APP: variants seen among roughly 807,000 people sequenced by gnomAD.
The protein encoded by APP is amyloid-beta precursor protein.
A neutral mutation model predicts 101.4 loss-of-function variants in APP; 31 were observed. The ratio of observed to expected loss-of-function variants is 0.31; its 90% confidence interval spans 0.23 to 0.41. The LOEUF is 0.41. APP is among the 10% of genes least tolerant of loss of function. APP has a pLI of 1.00. For synonymous variants in APP, 366 were observed against 364.4 expected, an observed-to-expected ratio of 1.00 and a Z score of -0.05; for missense variants, 839 against 1,003.7, an observed-to-expected ratio of 0.84 and a Z score of 2.22.
chr21:25,937,854 C>A (rs1437008740), intron 13 of APP: 2 of 152,316 alleles, frequency 1.3e-5, no homozygotes. Context: ...ACTGCAACCT[C>A]CAACTCCTGG....
At chr21:25,903,514 G>A (rs780616940) in intron 15 of APP, among the ~76,000 whole-genome samples, 2 of 151,954 alleles carry the variant, frequency 1.3e-5, no homozygotes, top group Non-Finnish European at 2.9e-5. Flanking sequence ...TGAATGAGTC[G>A]AATGAGCGCT....
At chr21:26,030,307 G>A (rs1295520159) in intron 5 of APP, among the ~76,000 whole-genome samples, 1 of 152,190 alleles carries the variant, frequency 6.6e-6, no homozygotes. Flanking sequence ...TGCATAACCT[G>A]TGAAGGACCT....
intron 13 of APP, among the ~76,000 whole-genome samples, chr21:25,946,242 T>A (rs1169256200): frequency 2.0e-5 from 3 of 152,162 alleles, no homozygotes; most frequent in African/African-American, 7.2e-5. Context: ...AAATTGAAAA[T>A]TTTTGTGTGT....
At chr21:26,051,300 A>G (rs1367876888) in intron 4 of APP, 107 bp from the exon 5 acceptor site, 6 of 1,161,898 alleles carry the variant, frequency 5.2e-6, no homozygotes, top group East Asian at 2.6e-5. Context: ...TTAGGAACCA[A>G]TTTCACAAAG....
chr21:26,090,254 ACTGGTTGAGCAT>A lies in APP; in HGVS notation c.226-194_226-183del, dbSNP rs1266938025. Among the ~76,000 whole-genome samples the A allele has an allele frequency of 2.6e-5, 4 of 152,160 alleles. No homozygotes were observed. In the South Asian group the frequency reaches 6.2e-4, roughly 24 times the overall value. ...TTTAGAACATCTGCATTATATACTT[ACTGGTTGAGCAT>A]CTGGAATCCGGAAAGTCCAAAATCC... On this transcript the variant is annotated intron_variant, in intron 2 of 17. Coordinates refer to ENST00000346798, the MANE Select transcript of APP (RefSeq NM_000484.4).
intron 2 of APP, among the ~76,000 whole-genome samples, chr21:26,106,325 A>G (rs1295274130): frequency 6.6e-6 from 1 of 152,178 alleles, no homozygotes; most frequent in African/African-American, 2.4e-5. Context: ...AGCATCCCCC[A>G]CACTACGATC....
At chr21:25,909,343 GT>G (rs2038950298) in intron 14 of APP, among the ~76,000 whole-genome samples, 1 of 151,124 alleles carries the variant, frequency 6.6e-6, no homozygotes, top group African/African-American at 2.4e-5. Flanking sequence ...ATATGTCAAT[GT>G]TGGGACTGAT....
intron 17 of APP, among the ~76,000 whole-genome samples, chr21:25,889,109 C>A (rs974601696): frequency 6.6e-6 from 1 of 152,170 alleles, no homozygotes; most frequent in Non-Finnish European, 1.5e-5. Flanking sequence ...CGGGCTAAAA[C>A]GTGTCCCCCT....
chr21:26,133,274 T>G (rs1421527490), intron 1 of APP, among the ~76,000 whole-genome samples: 1 of 152,146 alleles, frequency 6.6e-6, no homozygotes, highest in Non-Finnish European at 1.5e-5. Flanking sequence ...AGTTCCTGAG[T>G]AATCGGCAGC....
chr21:25,882,421 T>A (rs918859726), intron 17 of APP, among the ~76,000 whole-genome samples: 3 of 149,762 alleles, frequency 2.0e-5, no homozygotes, highest in Non-Finnish European at 3.0e-5. Context: ...TGTAATTTTT[T>A]AAAAACTGAG....
At chr21:26,067,785 TG>T (rs2046514853) in intron 3 of APP, among the ~76,000 whole-genome samples, 1 of 152,194 alleles carries the variant, frequency 6.6e-6, no homozygotes, top group African/African-American at 2.4e-5. Flanking sequence ...TTCAGTCCTC[TG>T]TATCCCGAGA....
In APP at chr21:26,160,483, C is replaced by T. The variant is rs796648432; in HGVS notation, c.57+10081G>A. The stretch of plus-strand genomic sequence containing the variant: ...AAGATACAAGGCTAATCATAATGAC[C>T]TCAATTAGATTTTCAATTCCTGTCA... On this transcript the variant is annotated intron_variant, in intron 1 of 17. Transcript: ENST00000346798. 5.3e-4 allele frequency among the ~76,000 whole-genome samples: 80 copies of T among 152,186 alleles called. 2 individuals carry two copies. Among genetic ancestry groups the T allele is most frequent in the African/African-American group, 1.9e-3 (77 of 41,506 alleles).
chr21:25,898,755 C>G (rs371402450), intron 15 of APP, among the ~76,000 whole-genome samples: 10 of 152,290 alleles, frequency 6.6e-5, no homozygotes, highest in African/African-American at 2.2e-4. Context: ...ACAGGTATCA[C>G]GACCCTAAGG....
chr21:26,013,494 T>TTA (rs1555845831), intron 6 of APP, among the ~76,000 whole-genome samples: 2 of 151,556 alleles, frequency 1.3e-5, no homozygotes, highest in African/African-American at 4.9e-5. Context: ...TTTTTTTTTT[T>TTA]AAAGCAACTG....
chr21:26,147,606 GAAAAA>G (rs35269152), intron 1 of APP, among the ~76,000 whole-genome samples: 1 of 150,670 alleles, frequency 6.6e-6, no homozygotes, highest in African/African-American at 2.4e-5. Context: ...TAACTTAAAA[GAAAAA>G]AAAAATCTTT....
intron 8 of APP, among the ~76,000 whole-genome samples, chr21:25,988,633 C>T (rs1187269323): frequency 2.8e-5 from 4 of 140,986 alleles, no homozygotes; most frequent in South Asian, 2.3e-4. Flanking sequence ...ACCCGGGAGG[C>T]GGAAGTTGTG....
chr21:26,087,715 T>C (rs187375747), intron 3 of APP, among the ~76,000 whole-genome samples: 1 of 152,314 alleles, frequency 6.6e-6, no homozygotes, highest in African/African-American at 2.4e-5. Flanking sequence ...TTTCAAGTGG[T>C]TCTCTTTCCA....
chr21:26,170,626 C>A lies in APP; in HGVS notation c.-6G>T, dbSNP rs1330832723. ...AGTGCCAAACCGGGCAGCATCGCGACCCTGCGCGGGGCACCGAGTGCGCTG... is the reference window on the plus strand; with the variant it reads ...AGTGCCAAACCGGGCAGCATCGCGAACCTGCGCGGGGCACCGAGTGCGCTG... On this transcript the variant is annotated 5_prime_UTR_variant, in exon 1 of 18. Transcript: ENST00000346798. The A allele has an allele frequency of 6.5e-7, 1 of 1,534,558 alleles. No individual in the cohort carries two copies. Among genetic ancestry groups the A allele is most frequent in the Admixed American group, 2.0e-5 (1 of 50,806 alleles).
chr21:25,911,790 C>T lies in APP; in HGVS notation c.1860G>A (p.Pro620=), dbSNP rs773060369. ...CAGAGTCAGCCCCAAAAGAATGCCA[C>T]GGCTGGAGATCGTCCAGGCTGAACT... ...NGEFSLDDLQ[P]WHSFGADSVP... The change falls in exon 14 of 18, where the codon CCG becomes CCA. Residue 620 remains proline, a synonymous_variant. Coordinates refer to ENST00000346798, the MANE Select transcript of APP (RefSeq NM_000484.4). 2.3e-5 allele frequency: 37 copies of T among 1,613,994 alleles called. No individual in the cohort carries two copies. Among genetic ancestry groups the T allele is most frequent in the East Asian group, 8.9e-5 (4 of 44,872 alleles).
Sources: gnomAD v4.1 joint callset for allele counts (sites outside exome capture counted in the v4.1 genomes callset) on GRCh38, gnomAD v4.1.1 for gene constraint, MANE v1.5 for transcripts, NCBI Gene and HGNC (gene_info 2026-07-23, HGNC 2026-07-21) for gene names.